The following TNFRSF8 variants were observed in gnomAD, a reference collection of about 807,000 sequenced individuals.
TNFRSF8 encodes tumor necrosis factor receptor superfamily member 8.
TNFRSF8 carries 26 observed loss-of-function variants against 70.8 expected under a neutral mutation model. The ratio of observed to expected loss-of-function variants is 0.37; its 90% CI spans 0.27 to 0.51. TNFRSF8 has a LOEUF of 0.51. Among genes scored for constraint, TNFRSF8 ranks in the 20% least tolerant of loss-of-function variants. The pLI is 0.94. For synonymous variants in TNFRSF8, 356 were observed against 339.2 expected (o/e 1.05, Z -0.54); for missense variants, 720 against 807.9 (o/e 0.89, Z 1.32).
At chr1:12,064,318 T>C (rs1280757365) in intron 1 of TNFRSF8, among the ~76,000 whole-genome samples, 4 of 152,138 alleles carry the variant, frequency 2.6e-5, no homozygotes, top group Non-Finnish European at 5.9e-5. Flanking sequence ...TGCCTCAGAA[T>C]TGAGTTTGGG....
chr1:12,116,279 C>T (rs1376953396), intron 8 of TNFRSF8, among the ~76,000 whole-genome samples: 1 of 152,054 alleles, frequency 6.6e-6, no homozygotes, highest in Non-Finnish European at 1.5e-5. Flanking sequence ...CCATGCCCAG[C>T]CCCGGGCTGG....
intron 4 of TNFRSF8, among the ~76,000 whole-genome samples, chr1:12,107,764 G>GT (rs988008649): frequency 1.3e-5 from 2 of 151,750 alleles, no homozygotes; most frequent in African/African-American, 2.4e-5. Flanking sequence ...CGGGGTTGTT[G>GT]TTTTTTTTCC....
chr1:12,123,857 C>G, intron 10 of TNFRSF8, 30 bp downstream of exon 10: 3 of 1,517,730 alleles, frequency 2.0e-6, no homozygotes, highest in Non-Finnish European at 2.7e-6. Flanking sequence ...CACCCCTACT[C>G]CCAGCAGGGG....
chr1:12,111,856 C>T, intron 6 of TNFRSF8, 42 bp from the exon 7 acceptor site: 1 of 1,584,142 alleles, frequency 6.3e-7, no homozygotes, highest in Admixed American at 1.7e-5. Context: ...GAGGCCTTTG[C>T]CAAGGCGGCC....
intron 2 of TNFRSF8, among the ~76,000 whole-genome samples, chr1:12,085,936 C>G (rs1192050871): frequency 6.6e-6 from 1 of 152,236 alleles, no homozygotes; most frequent in Non-Finnish European, 1.5e-5. Context: ...GGACATCAGC[C>G]TTTAGCTGTG....
rs371090728 is a variant in TNFRSF8 at position 12,088,241 on chromosome 1, C to A, written c.151+3690C>A. On this transcript the variant is annotated intron_variant, in intron 2 of 14. Transcript: ENST00000263932. The surrounding 1 kb of genome is among the most constrained non-coding windows in gnomAD (Gnocchi z 4.0). ...CTTACATACTCTTGGTGACGGGGAG[C>A]TCATTCACTGACTCATAACAATGAC... Among the ~76,000 whole-genome samples, 9 of 152,164 alleles carry A rather than the reference C, an allele frequency of 5.9e-5. No homozygotes were observed. Among genetic ancestry groups the A allele is most frequent in the African/African-American group, 1.9e-4 (8 of 41,430 alleles).
intron 3 of TNFRSF8, among the ~76,000 whole-genome samples, chr1:12,098,649 T>C (rs970108329): frequency 6.6e-6 from 1 of 151,882 alleles, no homozygotes; most frequent in Non-Finnish European, 1.5e-5. Context: ...GATTAATGTA[T>C]CTTCAGCAAA....
rs970492187 is a variant in TNFRSF8, at chr1:12,108,884, G to A, written c.422-682G>A. Among the ~76,000 whole-genome samples the A allele has an allele frequency of 6.6e-6, 1 of 152,154 alleles. No homozygotes were observed. The highest frequency in any genetic ancestry group is 2.1e-4 in the South Asian group (1 of 4,826). ...TTAGGACATAGCAGGCAAACTGAGG[G>A]GCACTGGCTAGACGATGTGTGTGTT... On this transcript the variant is annotated intron_variant, in intron 4 of 14. Coordinates refer to ENST00000263932, the MANE Select transcript of TNFRSF8 (RefSeq NM_001243.5). This position sits in a 1 kb window ranked among gnomAD's most constrained non-coding sequence, Gnocchi z 4.0.
At chr1:12,078,560 G>T (rs781003471) in intron 1 of TNFRSF8, among the ~76,000 whole-genome samples, 3 of 152,130 alleles carry the variant, frequency 2.0e-5, no homozygotes, top group Non-Finnish European at 4.4e-5. Context: ...CGAGTACTCT[G>T]TCTTAAAAAA....
chr1:12,125,863 C>T, intron 10 of TNFRSF8, 88 bp from the exon 11 acceptor site: 3 of 1,012,958 alleles, frequency 3.0e-6, no homozygotes, highest in Non-Finnish European at 4.7e-6. Flanking sequence ...GAAGCTGTGT[C>T]CCAGGAGAAG....
intron 13 of TNFRSF8, 150 bp downstream of exon 13, chr1:12,135,763 C>A: frequency 8.8e-7 from 1 of 1,140,432 alleles, no homozygotes; most frequent in Admixed American, 2.3e-5. Context: ...AGGGTGCAGG[C>A]CCGTCCTGCA....
intron 14 of TNFRSF8, among the ~76,000 whole-genome samples, chr1:12,139,305 C>G (rs933895261): frequency 2.0e-5 from 3 of 152,170 alleles, no homozygotes; most frequent in South Asian, 2.1e-4. Flanking sequence ...GTCCCTCCCC[C>G]TCATGGCAGT....
intron 12 of TNFRSF8, among the ~76,000 whole-genome samples, chr1:12,129,553 G>A (rs958096419): frequency 6.6e-6 from 1 of 152,186 alleles, no homozygotes; most frequent in Non-Finnish European, 1.5e-5. Context: ...GTCCGGATCC[G>A]TTCCCCAGGC....
At chr1:12,107,621 G>T (rs967305720) in intron 4 of TNFRSF8, among the ~76,000 whole-genome samples, 1 of 152,120 alleles carries the variant, frequency 6.6e-6, no homozygotes, top group African/African-American at 2.4e-5. Context: ...GTGGCTCCCA[G>T]AATATTTGAG....
intron 3 of TNFRSF8, among the ~76,000 whole-genome samples, chr1:12,102,154 C>T (rs925762763): frequency 6.6e-6 from 1 of 152,198 alleles, no homozygotes; most frequent in African/African-American, 2.4e-5. Flanking sequence ...TGGTTTTCCT[C>T]TGATGTTTGG....
chr1:12,067,556 G>T (rs1004510987), intron 1 of TNFRSF8, among the ~76,000 whole-genome samples: 4 of 152,088 alleles, frequency 2.6e-5, no homozygotes, highest in African/African-American at 9.7e-5. Context: ...GGGCATGGTG[G>T]CAGGCGCCTG....
chr1:12,126,373 G>A, intron 12 of TNFRSF8, 137 bp downstream of exon 12: 1 of 973,568 alleles, frequency 1.0e-6, no homozygotes, highest in South Asian at 1.4e-5. Flanking sequence ...GTCGCATTCT[G>A]TACATCTGTA....
intron 4 of TNFRSF8, among the ~76,000 whole-genome samples, chr1:12,106,126 C>G (rs1260581149): frequency 6.6e-6 from 1 of 152,056 alleles, no homozygotes; most frequent in Non-Finnish European, 1.5e-5. Context: ...TCTAAGCCAT[C>G]TTCCCAGAAT....
chr1:12,136,175 C>T (rs1415571082), intron 13 of TNFRSF8, among the ~76,000 whole-genome samples: 3 of 151,818 alleles, frequency 2.0e-5, no homozygotes, highest in East Asian at 1.9e-4. Flanking sequence ...ATATAATATA[C>T]ACAACCATAA....
Sources: allele counts gnomAD v4.1 joint callset (sites outside exome capture counted in the v4.1 genomes callset), GRCh38; gene constraint gnomAD v4.1.1; non-coding constraint Gnocchi (gnomAD v3.1); transcripts MANE v1.5; gene names NCBI Gene and HGNC (gene_info 2026-07-23, HGNC 2026-07-21).